ATXN1: variants seen among roughly 807,000 people sequenced by gnomAD.
ATXN1 encodes ataxin-1.
Under a neutral mutation model 56.4 loss-of-function variants are expected in ATXN1, and 8 were observed. The observed-to-expected ratio is 0.14, with a 90% confidence interval of 0.08 to 0.26. The LOEUF (loss-of-function observed/expected upper bound fraction) is 0.26, where lower values mean the gene tolerates loss of function less well. Among genes scored for constraint, ATXN1 ranks in the 10% least tolerant of loss-of-function variants. ATXN1 has a pLI of 1.00. For synonymous variants in ATXN1, 514 were observed against 494.6 expected (o/e 1.04, Z -0.52); for missense variants, 987 against 1,106.5 (o/e 0.89, Z 1.53).
rs372120179 is a variant in ATXN1 at position 16,394,834 on chromosome 6, G to A, written c.-160-66364C>T. Among the ~76,000 whole-genome samples the A allele has an allele frequency of 1.1e-4, 17 of 152,168 alleles. No homozygotes were observed. In the South Asian group the frequency reaches 2.1e-3, roughly 19 times the overall value. ...ATCCATTTATGACTGCATTTTCCAC[G>A]CTGGCTTTCCAGGATGGTCCTGAAC... On this transcript the variant is annotated intron_variant, in intron 6 of 7. Transcript: ENST00000436367.
intron 5 of ATXN1, among the ~76,000 whole-genome samples, chr6:16,486,313 G>A (rs914427675): frequency 6.6e-6 from 1 of 152,142 alleles, no homozygotes; most frequent in Non-Finnish European, 1.5e-5. Context: ...TCACCCCAAA[G>A]TTGAAGCCAT....
intron 6 of ATXN1, among the ~76,000 whole-genome samples, chr6:16,467,406 G>A (rs1266151435): frequency 3.3e-5 from 5 of 152,188 alleles, no homozygotes; most frequent in South Asian, 2.1e-4. Context: ...AGGGACGCAC[G>A]GTCCAATCAC....
chr6:16,556,182 T>G (rs1762009115), intron 4 of ATXN1, among the ~76,000 whole-genome samples: 1 of 152,182 alleles, frequency 6.6e-6, no homozygotes, highest in Non-Finnish European at 1.5e-5. Context: ...TGACAATTAG[T>G]GTTTTGTGTC....
chr6:16,418,715 C>A (rs1233533134), intron 6 of ATXN1, among the ~76,000 whole-genome samples: 1 of 112,152 alleles, frequency 8.9e-6, no homozygotes, highest in Non-Finnish European at 1.8e-5. Context: ...CCCCTCCCCC[C>A]TCCCCCCACC....
intron 6 of ATXN1, among the ~76,000 whole-genome samples, chr6:16,436,199 T>C (rs542707499): frequency 6.6e-6 from 1 of 152,216 alleles, no homozygotes; most frequent in East Asian, 1.9e-4. Context: ...CACCTGGCCT[T>C]CTGTGAGGTT....
At chr6:16,473,339 T>C (rs976905902) in intron 6 of ATXN1, among the ~76,000 whole-genome samples, 1 of 152,162 alleles carries the variant, frequency 6.6e-6, no homozygotes, top group Non-Finnish European at 1.5e-5. Flanking sequence ...ACGTTCTCAC[T>C]CTTGGCGACT....
At chr6:16,545,569 C>T (rs1367555796) in intron 4 of ATXN1, among the ~76,000 whole-genome samples, 1 of 152,142 alleles carries the variant, frequency 6.6e-6, no homozygotes, top group Non-Finnish European at 1.5e-5. Context: ...TATTTGCCTA[C>T]TAGAACTTTT....
chr6:16,602,616 T>A (rs1211243252), intron 3 of ATXN1, among the ~76,000 whole-genome samples: 1 of 152,122 alleles, frequency 6.6e-6, no homozygotes, highest in Non-Finnish European at 1.5e-5. Context: ...CATGCCCTGC[T>A]AATTTTTGTA....
intron 4 of ATXN1, among the ~76,000 whole-genome samples, chr6:16,558,703 T>C (rs546901355): frequency 1.7e-4 from 26 of 152,246 alleles, no homozygotes; most frequent in African/African-American, 6.0e-4. Flanking sequence ...TAATAAAAAA[T>C]ACGAGACAAT....
Position 16,760,416 on chromosome 6 carries a change from C to T in ATXN1, c.-730+882G>A, listed in dbSNP as rs1761049220. Reference sequence around the variant, plus strand: ...GCGCTCGCGGGCTCCCGGCTCCGGGCGGCGGCTGCCGCTGCACATGATCAG... The same window carrying T: ...GCGCTCGCGGGCTCCCGGCTCCGGGTGGCGGCTGCCGCTGCACATGATCAG... On this transcript the variant is annotated intron_variant, in intron 1 of 7. Transcript: ENST00000436367. The surrounding 1 kb of genome is among the most constrained non-coding windows in gnomAD (Gnocchi z 5.3). Among the ~76,000 whole-genome samples, 1 of 151,368 alleles carries T rather than the reference C, an allele frequency of 6.6e-6. No homozygotes were observed. The highest frequency in any genetic ancestry group is 1.5e-5 in the Non-Finnish European group (1 of 67,768).
chr6:16,491,520 C>T (rs1760664692), intron 5 of ATXN1, among the ~76,000 whole-genome samples: 1 of 151,810 alleles, frequency 6.6e-6, no homozygotes, highest in South Asian at 2.1e-4. Flanking sequence ...TGGTCTTGAA[C>T]TCCTGGCCTC....
intron 4 of ATXN1, among the ~76,000 whole-genome samples, chr6:16,576,098 TAA>T (rs11313002): frequency 4.8e-4 from 70 of 144,876 alleles, no homozygotes; most frequent in African/African-American, 1.4e-3. Flanking sequence ...ACAGCTAAGG[TAA>T]AAAAAAAAAA....
At chr6:16,534,013 T>C (rs1483900034) in intron 4 of ATXN1, among the ~76,000 whole-genome samples, 1 of 152,144 alleles carries the variant, frequency 6.6e-6, no homozygotes, top group Non-Finnish European at 1.5e-5. Flanking sequence ...CGTTTTTTCC[T>C]ATATTCTTGG....
intron 6 of ATXN1, among the ~76,000 whole-genome samples, chr6:16,356,824 T>C (rs1360680795): frequency 6.6e-6 from 1 of 152,206 alleles, no homozygotes; most frequent in Non-Finnish European, 1.5e-5. Context: ...AATTAGGCAT[T>C]TGTCAAACAT....
chr6:16,655,142 G>A (rs920681762), intron 3 of ATXN1, among the ~76,000 whole-genome samples: 5 of 152,102 alleles, frequency 3.3e-5, no homozygotes, highest in East Asian at 3.8e-4. Context: ...ACACAATGAC[G>A]GCAAGCACAG....
At chr6:16,721,121 CT>C (rs1276917661) in intron 2 of ATXN1, among the ~76,000 whole-genome samples, 1 of 152,200 alleles carries the variant, frequency 6.6e-6, no homozygotes, top group Non-Finnish European at 1.5e-5. Flanking sequence ...AGATGGTTCC[CT>C]TAAGACAGCT....
At chr6:16,562,500 G>A (rs1762141802) in intron 4 of ATXN1, among the ~76,000 whole-genome samples, 2 of 150,206 alleles carry the variant, frequency 1.3e-5, no homozygotes, top group South Asian at 4.2e-4. Flanking sequence ...GGAAAGGAAA[G>A]GAAAGGAAAA....
At chr6:16,716,053 C>T (rs1233720787) in intron 2 of ATXN1, among the ~76,000 whole-genome samples, 2 of 152,164 alleles carry the variant, frequency 1.3e-5, no homozygotes. Flanking sequence ...GACAACACCC[C>T]CACCCACTCA....
At chr6:16,626,934 C>G (rs1763417181) in intron 3 of ATXN1, among the ~76,000 whole-genome samples, 1 of 152,198 alleles carries the variant, frequency 6.6e-6, no homozygotes, top group African/African-American at 2.4e-5. Context: ...CTGACACTTT[C>G]ATTTCAAACT....
Sources: gnomAD v4.1 joint callset for allele counts (sites outside exome capture counted in the v4.1 genomes callset) on GRCh38, gnomAD v4.1.1 for gene constraint, Gnocchi (gnomAD v3.1) non-coding constraint, MANE v1.5 for transcripts, NCBI Gene and HGNC (gene_info 2026-07-23, HGNC 2026-07-21) for gene names.